Variants in TRHDE observed in about 807,000 individuals in gnomAD.
TRHDE encodes the protein thyrotropin releasing hormone degrading enzyme.
In TRHDE, 72 loss-of-function variants were observed where a neutral mutation model predicts 125.7. That is an observed-to-expected ratio of 0.57 (90% CI 0.47 to 0.70). The LOEUF is 0.70. Ranked by LOEUF, TRHDE falls within the 30% of genes least tolerant of loss-of-function variation. The pLI is 0.00. For missense variants in TRHDE, 1,110 were observed against 1,327.1 expected, an observed-to-expected ratio of 0.84 and a Z score of 2.54; for synonymous variants, 509 against 509.1, an observed-to-expected ratio of 1.00 and a Z score of 0.00.
chr12:72,579,125 A>G (rs1374361419), intron 12 of TRHDE, among the ~76,000 whole-genome samples: 5 of 151,674 alleles, frequency 3.3e-5, no homozygotes, highest in Non-Finnish European at 1.5e-5. Flanking sequence ...TTTGTTGTGT[A>G]TGTGTATTTT....
upstream of TRHDE, among the ~76,000 whole-genome samples, chr12:72,268,295 T>A (rs566029330): frequency 6.6e-6 from 1 of 152,282 alleles, no homozygotes; most frequent in African/African-American, 2.4e-5. Flanking sequence ...TACAGTGTGC[T>A]TTTATAAAAT....
At chr12:72,271,449 G>A (rs916251625), upstream of TRHDE, among the ~76,000 whole-genome samples, 1 of 152,126 alleles carries the variant, frequency 6.6e-6, no homozygotes, top group South Asian at 2.1e-4. Context: ...GTCAGGAAGA[G>A]GGGTGACTGC....
chr12:72,145,351 T>G (rs944741869), intron 2 of TRHDE, among the ~76,000 whole-genome samples: 5 of 152,208 alleles, frequency 3.3e-5, no homozygotes, highest in Non-Finnish European at 7.3e-5. Context: ...TTCAAACATG[T>G]TTCATTTAAA....
intron 2 of TRHDE, among the ~76,000 whole-genome samples, chr12:72,326,146 G>C (rs11179156): frequency 0.08 from 12,202 of 151,920 alleles, 935 homozygotes; most frequent in East Asian, 0.47. Context: ...ATTTTTAAAG[G>C]ACACCTATAC....
At chr12:72,632,808 ATCATTCTTGCCTTTG>A (rs1472010143) in intron 15 of TRHDE, among the ~76,000 whole-genome samples, 1 of 145,684 alleles carries the variant, frequency 6.9e-6, no homozygotes, top group African/African-American at 2.5e-5. Context: ...GTAGGTCTTT[ATCATTCTTGCCTTTG>A]TCATTCACAA....
At chr12:72,096,265 C>G (rs1242116490) in intron 1 of TRHDE, among the ~76,000 whole-genome samples, 1 of 151,816 alleles carries the variant, frequency 6.6e-6, no homozygotes, top group Non-Finnish European at 1.5e-5. Flanking sequence ...ATATTTGTGC[C>G]CAGAACATCT....
At chr12:72,648,299 A>G (rs997646732) in intron 15 of TRHDE, among the ~76,000 whole-genome samples, 1 of 152,146 alleles carries the variant, frequency 6.6e-6, no homozygotes, top group African/African-American at 2.4e-5. Flanking sequence ...ATTATACTCA[A>G]TGGTGAAAAA....
intron 4 of TRHDE, among the ~76,000 whole-genome samples, chr12:72,470,831 C>CGGG (rs1565754918): frequency 6.9e-6 from 1 of 145,712 alleles, no homozygotes; most frequent in African/African-American, 2.5e-5. Flanking sequence ...TGAAGTGATC[C>CGGG]GGGTCAGACG....
intron 3 of TRHDE, among the ~76,000 whole-genome samples, chr12:72,411,169 C>T (rs1161454573): frequency 6.7e-6 from 1 of 148,430 alleles, no homozygotes; most frequent in Non-Finnish European, 1.5e-5. Flanking sequence ...CGCCACTGCA[C>T]TCCAGCCTAG....
chr12:72,273,535 T>G lies in TRHDE; in HGVS notation c.892T>G (p.Tyr298Asp). ...GCTCCTGGGCTTCTTCCGCAGCTCCTATGTGCTCCACGGGGAGAGAAGGTA... is the reference window on the plus strand; with the variant it reads ...GCTCCTGGGCTTCTTCCGCAGCTCCGATGTGCTCCACGGGGAGAGAAGGTA... Reference protein sequence around the residue: ...NELLGFFRSSYVLHGERRFLG... With the variant: ...NELLGFFRSSDVLHGERRFLG... The change falls in exon 1 of 19, where the codon TAT becomes GAT. Residue 298 changes from tyrosine to aspartate, a missense_variant. By Grantham distance (160) the Tyr-to-Asp change is radical (BLOSUM62 -3). Coordinates refer to ENST00000261180, the MANE Select transcript of TRHDE (RefSeq NM_013381.3). The surrounding 1 kb of genome is among the most constrained non-coding windows in gnomAD (Gnocchi z 5.3). 2 of 1,602,104 alleles carry G rather than the reference T, an allele frequency of 1.2e-6. No individual in the cohort carries two copies. Among genetic ancestry groups the G allele is most frequent in the Non-Finnish European group, 1.7e-6 (2 of 1,178,560 alleles).
At chr12:72,114,662 C>A (rs1875400473) in intron 2 of TRHDE, among the ~76,000 whole-genome samples, 1 of 151,882 alleles carries the variant, frequency 6.6e-6, no homozygotes, top group Admixed American at 6.6e-5. Context: ...CTTCACGGTT[C>A]AGGGGTGTTT....
intron 3 of TRHDE, among the ~76,000 whole-genome samples, chr12:72,394,739 T>TA (rs1479861066): frequency 2.0e-5 from 3 of 152,186 alleles, no homozygotes; most frequent in Admixed American, 6.5e-5. Flanking sequence ...ACAAGTGGTA[T>TA]AGGTGTCATA....
chr12:72,214,970 G>C (rs575413231), intron 2 of TRHDE, among the ~76,000 whole-genome samples: 1 of 152,084 alleles, frequency 6.6e-6, no homozygotes. Context: ...CCATGCAAAC[G>C]ATCATTTATT....
intron 2 of TRHDE, among the ~76,000 whole-genome samples, chr12:72,372,566 A>G (rs1314691955): frequency 2.6e-5 from 4 of 152,144 alleles, no homozygotes; most frequent in Non-Finnish European, 5.9e-5. Context: ...TAATTTTTGT[A>G]TAAGGTGTAA....
At chr12:72,480,995 G>T (rs1042790535) in intron 5 of TRHDE, among the ~76,000 whole-genome samples, 1 of 151,970 alleles carries the variant, frequency 6.6e-6, no homozygotes, top group Non-Finnish European at 1.5e-5. Flanking sequence ...TTCAACATCT[G>T]CTATTATTCA....
At chr12:72,299,426 G>C (rs1428944146) in intron 2 of TRHDE, among the ~76,000 whole-genome samples, 1 of 152,152 alleles carries the variant, frequency 6.6e-6, no homozygotes, top group Non-Finnish European at 1.5e-5. Context: ...ATTTGGGGAG[G>C]AACTGGCAAA....
intron 9 of TRHDE, among the ~76,000 whole-genome samples, chr12:72,567,472 A>C (rs1870503338): frequency 6.6e-6 from 1 of 151,964 alleles, no homozygotes; most frequent in Non-Finnish European, 1.5e-5. Context: ...TTTATTGTGA[A>C]TGCAAAACAT....
At chr12:72,626,968 C>T (rs575454490) in intron 15 of TRHDE, among the ~76,000 whole-genome samples, 7 of 151,958 alleles carry the variant, frequency 4.6e-5, no homozygotes, top group Middle Eastern at 3.4e-3. Context: ...TAAAACTGTT[C>T]CACTCTAAAT....
chr12:72,186,292 G>A (rs893178440), intron 2 of TRHDE: 3 of 160,422 alleles, frequency 1.9e-5, no homozygotes, highest in Non-Finnish European at 2.6e-5. Context: ...TGCCTTAAGA[G>A]CTGTAACACT....
Sources: allele counts gnomAD v4.1 joint callset (sites outside exome capture counted in the v4.1 genomes callset), GRCh38; gene constraint gnomAD v4.1.1; non-coding constraint Gnocchi (gnomAD v3.1); transcripts MANE v1.5; gene names NCBI Gene and HGNC (gene_info 2026-07-23, HGNC 2026-07-21).